Variants in DLC1 observed in about 807,000 individuals in gnomAD.
DLC1 encodes the protein rho GTPase-activating protein 7.
In DLC1, 54 loss-of-function variants were observed where a neutral mutation model predicts 140.3. That is an observed-to-expected ratio of 0.38 (90% CI 0.31 to 0.48). DLC1 has a LOEUF of 0.48. Ranked by LOEUF, DLC1 falls within the 20% of genes least tolerant of loss-of-function variation. DLC1 has a pLI of 0.96. For synonymous variants in DLC1, 986 were observed against 728.1 expected, an observed-to-expected ratio of 1.35 and a Z score of -5.70; for missense variants, 2,536 against 1,907.0, an observed-to-expected ratio of 1.33 and a Z score of -6.14.
At chr8:13,553,069 A>C (rs549242218) in intron 1 of DLC1, among the ~76,000 whole-genome samples, 4 of 151,376 alleles carry the variant, frequency 2.6e-5, no homozygotes, top group African/African-American at 7.2e-5. Context: ...TCATTAATGC[A>C]ATAGTTATCA....
chr8:13,306,064 A>G (rs1832409971), intron 4 of DLC1, among the ~76,000 whole-genome samples: 2 of 152,140 alleles, frequency 1.3e-5, no homozygotes, highest in Admixed American at 6.5e-5. Context: ...TCGCATCTAG[A>G]TAATCACATC....
At chr8:13,589,446 A>G (rs62493208) in intron 1 of DLC1, among the ~76,000 whole-genome samples, 11,083 of 152,124 alleles carry the variant, frequency 0.073, 629 homozygotes, top group Admixed American at 0.18. Flanking sequence ...CACTTTGTGG[A>G]TAGATCACAT....
chr8:13,444,474 A>C (rs1798688750), intron 2 of DLC1, among the ~76,000 whole-genome samples: 2 of 152,236 alleles, frequency 1.3e-5, no homozygotes, highest in Non-Finnish European at 2.9e-5. Flanking sequence ...TCCTGGTTTT[A>C]AGAAGGTCAC....
chr8:13,317,105 G>A (rs980733765), intron 4 of DLC1, among the ~76,000 whole-genome samples: 1 of 152,098 alleles, frequency 6.6e-6, no homozygotes. Context: ...ATTTCAGAAT[G>A]GGTCAATGAA....
At chr8:13,216,047 TG>T (rs1828186869) in intron 5 of DLC1, among the ~76,000 whole-genome samples, 2 of 152,292 alleles carry the variant, frequency 1.3e-5, no homozygotes, top group South Asian at 4.1e-4. Context: ...TCCTACACAT[TG>T]CATCAAAGTG....
At chr8:13,464,057 A>T (rs559288069) in intron 2 of DLC1, among the ~76,000 whole-genome samples, 2 of 152,226 alleles carry the variant, frequency 1.3e-5, no homozygotes, top group Non-Finnish European at 2.9e-5. Context: ...GCAAGAAAAA[A>T]ATTGCAGGGC....
intron 1 of DLC1, among the ~76,000 whole-genome samples, chr8:13,508,789 C>T (rs912367549): frequency 6.6e-6 from 1 of 152,002 alleles, no homozygotes; most frequent in Non-Finnish European, 1.5e-5. Context: ...AGTATGCAAT[C>T]TTCTTAATAG....
At chr8:13,238,054 G>A (rs1829372636) in intron 5 of DLC1, among the ~76,000 whole-genome samples, 1 of 152,108 alleles carries the variant, frequency 6.6e-6, no homozygotes, top group South Asian at 2.1e-4. Context: ...TCTATGTTTT[G>A]AAACATTTAG....
chr8:13,537,528 T>G (rs939441359), intron 1 of DLC1, among the ~76,000 whole-genome samples: 1 of 152,078 alleles, frequency 6.6e-6, no homozygotes, highest in Non-Finnish European at 1.5e-5. Flanking sequence ...AAAGCTGACA[T>G]GGGCTACGAG....
intron 2 of DLC1, among the ~76,000 whole-genome samples, chr8:13,449,405 AT>A (rs1798941022): frequency 6.6e-6 from 1 of 152,186 alleles, no homozygotes; most frequent in African/African-American, 2.4e-5. Flanking sequence ...CAAAGAGGAG[AT>A]TGTGTTATGT....
At chr8:13,464,330 T>C (rs1799822487) in intron 2 of DLC1, among the ~76,000 whole-genome samples, 1 of 152,174 alleles carries the variant, frequency 6.6e-6, no homozygotes, top group African/African-American at 2.4e-5. Flanking sequence ...TGACCATGTG[T>C]TAGTTAGAAT....
intron 1 of DLC1, among the ~76,000 whole-genome samples, chr8:13,557,344 G>A (rs879447240): frequency 6.6e-6 from 1 of 152,146 alleles, no homozygotes; most frequent in Non-Finnish European, 1.5e-5. Context: ...GCTTCATTGG[G>A]GTTACAGTCT....
Position 13,085,061 on chromosome 8 carries a change from A to G in DLC1, c.*750T>C, listed in dbSNP as rs1002906437. 1.4e-4 allele frequency: 21 copies of G among 152,250 alleles called. No homozygotes were observed. The highest frequency in any genetic ancestry group is 4.6e-4 in the African/African-American group (19 of 41,458). The allele number at this position is 152,250 out of a possible 1,614,324, so 9.4% of individuals were successfully genotyped here. A position where few individuals can be genotyped will look rare whatever the true frequency, so the allele number is the denominator to read the frequency against. ...GGTTAAAACTACATCACTATTTGCA[A>G]TCGGGTCTAAAAATAAACTGCATTT... On this transcript the variant is annotated 3_prime_UTR_variant, in exon 18 of 18. Coordinates refer to ENST00000276297, the MANE Select transcript of DLC1 (RefSeq NM_182643.3).
At chr8:13,283,660 G>T (rs1462922962) in intron 5 of DLC1, among the ~76,000 whole-genome samples, 1 of 152,066 alleles carries the variant, frequency 6.6e-6, no homozygotes, top group Non-Finnish European at 1.5e-5. Context: ...GACTACAGGC[G>T]CACACCACTA....
At chr8:13,200,816 C>T (rs570964347) in intron 5 of DLC1, among the ~76,000 whole-genome samples, 8 of 152,072 alleles carry the variant, frequency 5.3e-5, no homozygotes, top group South Asian at 4.2e-4. Flanking sequence ...CAGGCTGGTC[C>T]GGAACTCCTG....
At chr8:13,368,661 C>T (rs1330899847) in intron 4 of DLC1, among the ~76,000 whole-genome samples, 2 of 151,952 alleles carry the variant, frequency 1.3e-5, no homozygotes, top group Non-Finnish European at 2.9e-5. Flanking sequence ...ACCTTGGCAG[C>T]CTGGTGGAAA....
In DLC1 at chr8:13,100,036, C is replaced by A; in HGVS notation, c.2301G>T (p.Ala767=). 1 of 1,613,090 alleles carries A rather than the reference C, an allele frequency of 6.2e-7. No homozygotes were observed. Among genetic ancestry groups the A allele is most frequent in the South Asian group, 1.1e-5 (1 of 91,084 alleles). ...SPVTRTRSLS[A]CNKRVGMYLE... is the part of the protein sequence containing the mutation. ...AGTACATGCCCACCCGCTTGTTGCA[C>A]GCACTGAGGCTCCGGGTCCTCGTAA... The change falls in exon 9 of 18, where the codon GCG becomes GCT. Residue 767 remains alanine (A), a synonymous_variant. Transcript: ENST00000276297.
intron 1 of DLC1, among the ~76,000 whole-genome samples, chr8:13,602,166 T>C (rs1805910041): frequency 6.6e-6 from 1 of 151,814 alleles, no homozygotes; most frequent in Admixed American, 6.6e-5. Flanking sequence ...ACCATGGTAT[T>C]GCAATCAGCA....
intron 5 of DLC1, chr8:13,214,879 G>A (rs541753303): frequency 1.4e-6 from 1 of 701,788 alleles, no homozygotes; most frequent in East Asian, 2.5e-5. Flanking sequence ...CAGGGCTTTT[G>A]TAAGCGCCTT....
Sources: allele counts gnomAD v4.1 joint callset (sites outside exome capture counted in the v4.1 genomes callset), GRCh38; gene constraint gnomAD v4.1.1; transcripts MANE v1.5; gene names NCBI Gene and HGNC (gene_info 2026-07-23, HGNC 2026-07-21).